Variants in SINHCAF observed in about 807,000 individuals in gnomAD.
SINHCAF encodes SIN3-HDAC complex-associated factor.
Under a neutral mutation model 25.8 loss-of-function variants are expected in SINHCAF, and 3 were observed. The ratio of observed to expected loss-of-function variants is 0.12; its 90% confidence interval spans 0.05 to 0.30. SINHCAF has a LOEUF of 0.30. SINHCAF is among the 10% of genes least tolerant of loss of function. The probability of loss-of-function intolerance (pLI) is 1.00; values close to 1 mark genes in which losing one functional copy is unlikely to be tolerated. For missense variants in SINHCAF, 121 were observed against 262.3 expected, an observed-to-expected ratio of 0.46 and a Z score of 3.72; for synonymous variants, 70 against 85.5, an observed-to-expected ratio of 0.82 and a Z score of 1.00.
chr12:31,323,527 G>A (rs931039599), intron 1 of SINHCAF, among the ~76,000 whole-genome samples: 76 of 152,168 alleles, frequency 5.0e-4, no homozygotes, highest in African/African-American at 1.6e-3. Flanking sequence ...TTTAACTCAA[G>A]AGTAAATCCT....
chr12:31,313,174 G>A (rs537289635), intron 1 of SINHCAF, among the ~76,000 whole-genome samples: 1 of 151,932 alleles, frequency 6.6e-6, no homozygotes, highest in African/African-American at 2.4e-5. Flanking sequence ...ACAGGTACCC[G>A]CCACCACGCC....
intron 1 of SINHCAF, among the ~76,000 whole-genome samples, chr12:31,314,141 G>A (rs1030073599): frequency 2.6e-5 from 4 of 152,048 alleles, no homozygotes; most frequent in African/African-American, 9.7e-5. Flanking sequence ...CTTTGGAGCC[G>A]TGTTTCCTGT....
chr12:31,314,737 C>T (rs1939432742), intron 1 of SINHCAF, among the ~76,000 whole-genome samples: 1 of 152,136 alleles, frequency 6.6e-6, no homozygotes, highest in Admixed American at 6.5e-5. Flanking sequence ...AGTAGTTTCC[C>T]CATTCTGGTT....
chr12:31,324,790 C>G lies in SINHCAF; in HGVS notation c.-21+1234G>C, dbSNP rs1939889559. ...CCCGAAGAGTCCGGAGCCTGGCCCC[C>G]CGACCCTCCCCTCGGGAGCAGGCCC... On this transcript the variant is annotated intron_variant, in intron 1 of 5. Coordinates refer to ENST00000337682, the MANE Select transcript of SINHCAF (RefSeq NM_001135812.2). The surrounding 1 kb of genome is among the most constrained non-coding windows in gnomAD (Gnocchi z 5.5). 2.8e-6 allele frequency: 1 copy of G among 360,972 alleles called. No individual in the cohort carries two copies. 22.4% of individuals were successfully genotyped at this position (360,972 alleles called of 1,614,324 possible). A position where few individuals can be genotyped will look rare whatever the true frequency, so the allele number is the denominator to read the frequency against.
At chr12:31,311,655 T>G in intron 1 of SINHCAF, 1 of 413,034 alleles carries the variant, frequency 2.4e-6, no homozygotes, top group Non-Finnish European at 4.7e-6. Context: ...AGAGAGCAGA[T>G]CCAACTGAGC....
At chr12:31,312,524 T>C (rs1304260415) in intron 1 of SINHCAF, among the ~76,000 whole-genome samples, 1 of 152,224 alleles carries the variant, frequency 6.6e-6, no homozygotes, top group East Asian at 1.9e-4. Context: ...TTTCAGATAT[T>C]TGCCAACACT....
In SINHCAF at chr12:31,299,039, T is replaced by TA. The variant is rs61329052; in HGVS notation, c.-20-816dup. Among the ~76,000 whole-genome samples, 966 of 141,738 alleles carry TA rather than the reference T, an allele frequency of 6.8e-3. 12 individuals are homozygous for TA. The highest frequency in any genetic ancestry group is 0.022 in the African/African-American group (857 of 38,892). 93.0% of individuals were successfully genotyped at this position (141,738 alleles called of 152,430 possible). ...GTGAAATAAATTGCAGTCCTCCTGT[T>TA]AAAAAAAAAAAAAATCTCAACGTCA... On this transcript the variant is annotated intron_variant, in intron 1 of 5. Coordinates refer to ENST00000337682, the MANE Select transcript of SINHCAF (RefSeq NM_001135812.2).
At chr12:31,317,816 G>C (rs1939548762) in intron 1 of SINHCAF, among the ~76,000 whole-genome samples, 1 of 152,078 alleles carries the variant, frequency 6.6e-6, no homozygotes, top group Non-Finnish European at 1.5e-5. Context: ...GAGCAGAATG[G>C]GAAGGAAACT....
intron 1 of SINHCAF, among the ~76,000 whole-genome samples, chr12:31,300,336 T>C (rs1479337194): frequency 6.6e-6 from 1 of 152,210 alleles, no homozygotes; most frequent in African/African-American, 2.4e-5. Context: ...CATGTTTTTG[T>C]TGGTGAGAGA....
intron 5 of SINHCAF, among the ~76,000 whole-genome samples, chr12:31,283,475 T>G (rs1468781275): frequency 1.3e-5 from 2 of 152,058 alleles, no homozygotes; most frequent in South Asian, 2.1e-4. Context: ...TGGTGGCACG[T>G]GCCTGTAGTC....
chr12:31,288,017 C>T (rs1938149236), intron 4 of SINHCAF, among the ~76,000 whole-genome samples: 1 of 151,948 alleles, frequency 6.6e-6, no homozygotes, highest in African/African-American at 2.4e-5. Flanking sequence ...CAACTAAAAT[C>T]CCTGGATATT....
rs148604396 is a variant in SINHCAF, at chr12:31,293,166, G to A, written c.355+639C>T. On this transcript the variant is annotated intron_variant, in intron 4 of 5. Transcript: ENST00000337682. Reference sequence around the variant, plus strand: ...TCCTTCAAACCCCAAGGGTAATAGAGATATTTATTAGACAATAACATTATA... The same window carrying A: ...TCCTTCAAACCCCAAGGGTAATAGAAATATTTATTAGACAATAACATTATA... Among the ~76,000 whole-genome samples the A allele has an allele frequency of 1.6e-4, 25 of 152,230 alleles. No individual in the cohort carries two copies. In the East Asian group the frequency reaches 4.8e-3, roughly 29 times the overall value.
At position 31,310,704 on chromosome 12, in the gene SINHCAF, C is replaced by A. The variant is rs1237589465; in HGVS notation, c.-20-12480G>T. On this transcript the variant is annotated intron_variant, in intron 1 of 5. Transcript: ENST00000337682. ...TTGACAAGAGTGGGTAGTGCATCAC[C>A]CAAATTGTTTGGGAAATTTTAATAA... 6.6e-5 allele frequency among the ~76,000 whole-genome samples: 10 copies of A among 152,178 alleles called. No individual in the cohort carries two copies. The East Asian group carries it at 1.9e-3, about 29-fold the overall frequency.
intron 1 of SINHCAF, among the ~76,000 whole-genome samples, chr12:31,299,848 C>G (rs1938714449): frequency 1.3e-5 from 2 of 152,192 alleles, no homozygotes; most frequent in Admixed American, 1.3e-4. Context: ...TACAACACCC[C>G]TAGGCTATAT....
In SINHCAF at chr12:31,308,618, G is replaced by A. The variant is rs181226046; in HGVS notation, c.-20-10394C>T. ...TGTGTCAGAGCAAAGGAGGAGGTATGCATACACTGGATGAGGGATGAGGAT... is the reference window on the plus strand; with the variant it reads ...TGTGTCAGAGCAAAGGAGGAGGTATACATACACTGGATGAGGGATGAGGAT... On this transcript the variant is annotated intron_variant, in intron 1 of 5. Transcript: ENST00000337682. Among the ~76,000 whole-genome samples the A allele has an allele frequency of 3.3e-3, 506 of 152,312 alleles. 1 individual carries two copies. Among genetic ancestry groups the A allele is most frequent in the Middle Eastern group, 6.8e-3 (2 of 294 alleles).
At chr12:31,283,861 C>CAA (rs929850162) in intron 5 of SINHCAF, among the ~76,000 whole-genome samples, 7 of 144,198 alleles carry the variant, frequency 4.9e-5, no homozygotes, top group African/African-American at 1.9e-4. Flanking sequence ...CCATTACACA[C>CAA]ACACACACAC....
Position 31,287,795 on chromosome 12 carries a change from G to A in SINHCAF, c.356-11C>T. ...TGTGAGCATCAGAATCTGCAATAAA[G>A]ATTAAGAGAAAAAATAAAATTTTCA... On this transcript the variant is annotated splice_polypyrimidine_tract_variant and intron_variant, in intron 4 of 5. Coordinates refer to ENST00000337682, the MANE Select transcript of SINHCAF (RefSeq NM_001135812.2). The A allele has an allele frequency of 6.4e-7, 1 of 1,555,692 alleles. No homozygotes were observed. Among genetic ancestry groups the A allele is most frequent in the Non-Finnish European group, 8.7e-7 (1 of 1,145,208 alleles).
Position 31,281,027 on chromosome 12 carries a change from G to GAACTATAAACC in SINHCAF, c.*1684_*1685insGGTTTATAGTT, listed in dbSNP as rs1937767938. On this transcript the variant is annotated 3_prime_UTR_variant, in exon 6 of 6. Coordinates refer to ENST00000337682, the MANE Select transcript of SINHCAF (RefSeq NM_001135812.2). ...AGGAAATATAAAATGTTTAGATTAA[G>GAACTATAAACC]AACTATAAAACTACAGGGTGCCTAT... 6.6e-6 allele frequency: 1 copy of GAACTATAAACC among 151,978 alleles called. No individual in the cohort carries two copies. The highest frequency in any genetic ancestry group is 2.4e-5 in the African/African-American group (1 of 41,414). 9.4% of individuals were successfully genotyped at this position (151,978 alleles called of 1,614,324 possible).
chr12:31,325,622 G>T lies in SINHCAF; in HGVS notation c.-21+402C>A. ...CCCCGGCCGCTGCGCGGTGGCCAACGAGTCGCTTTCCTCTCGGGCCTTTCG... is the reference window on the plus strand; with the variant it reads ...CCCCGGCCGCTGCGCGGTGGCCAACTAGTCGCTTTCCTCTCGGGCCTTTCG... On this transcript the variant is annotated intron_variant, in intron 1 of 5. Coordinates refer to ENST00000337682, the MANE Select transcript of SINHCAF (RefSeq NM_001135812.2). This position sits in a 1 kb window ranked among gnomAD's most constrained non-coding sequence, Gnocchi z 5.9. 5.3e-6 allele frequency: 1 copy of T among 187,790 alleles called. No individual in the cohort carries two copies. The highest frequency in any genetic ancestry group is 8.0e-5 in the South Asian group (1 of 12,562). The allele number at this position is 187,790 out of a possible 1,614,324, so 11.6% of individuals were successfully genotyped here.
Sources: allele counts gnomAD v4.1 joint callset (sites outside exome capture counted in the v4.1 genomes callset), GRCh38; gene constraint gnomAD v4.1.1; non-coding constraint Gnocchi (gnomAD v3.1); transcripts MANE v1.5; gene names NCBI Gene and HGNC (gene_info 2026-07-23, HGNC 2026-07-21).